Variants in CYP4X1 observed in about 807,000 individuals in gnomAD.
CYP4X1 encodes the protein cytochrome P450 family 4 subfamily X member 1.
CYP4X1 carries 44 observed loss-of-function variants against 57.9 expected under a neutral mutation model. The ratio of observed to expected loss-of-function variants is 0.76; its 90% CI spans 0.60 to 0.98. The LOEUF (loss-of-function observed/expected upper bound fraction) is 0.98. Among genes scored for constraint, CYP4X1 ranks in the 50% least tolerant of loss-of-function variants. CYP4X1 has a pLI of 0.00. For missense variants in CYP4X1, 532 were observed against 623.9 expected (o/e 0.85, Z 1.57); for synonymous variants, 227 against 228.6 (o/e 0.99, Z 0.06).
intron 7 of CYP4X1, 97 bp downstream of exon 7, chr1:47,038,863 G>T (rs558356674): frequency 1.1e-6 from 1 of 876,276 alleles, no homozygotes; most frequent in South Asian, 2.1e-5. Context: ...GAATAAAACC[G>T]ATTGACTAAA....
the CYP4X1 span, among the ~76,000 whole-genome samples, chr1:46,990,275 T>C: frequency 6.6e-6 from 1 of 152,214 alleles, no homozygotes; most frequent in Non-Finnish European, 1.5e-5. Context: ...AAGACATTTA[T>C]GCAGCCAACA....
At chr1:47,029,135 A>C (rs977390189) in intron 1 of CYP4X1, among the ~76,000 whole-genome samples, 1 of 152,192 alleles carries the variant, frequency 6.6e-6, no homozygotes, top group African/African-American at 2.4e-5. Flanking sequence ...CACGAGGAAA[A>C]ATCTGGCAGC....
the CYP4X1 span, among the ~76,000 whole-genome samples, chr1:46,997,150 AT>A: frequency 6.6e-6 from 1 of 151,840 alleles, no homozygotes; most frequent in African/African-American, 2.4e-5. Context: ...ATGCAGAAGT[AT>A]TTTTTTTGTA....
At chr1:47,036,339 T>A (rs952724228) in intron 6 of CYP4X1, among the ~76,000 whole-genome samples, 168 bp downstream of exon 6, 1 of 144,790 alleles carries the variant, frequency 6.9e-6, no homozygotes, top group Non-Finnish European at 1.5e-5. Context: ...TATAAGACTT[T>A]GCTTCAACCA....
chr1:46,989,656 C>T, the CYP4X1 span, among the ~76,000 whole-genome samples: 1 of 152,178 alleles, frequency 6.6e-6, no homozygotes, highest in Non-Finnish European at 1.5e-5. Context: ...AACTGTACTA[C>T]AAGGCTACAG....
intron 8 of CYP4X1, among the ~76,000 whole-genome samples, chr1:47,041,455 T>C (rs1287069708): frequency 2.0e-5 from 3 of 152,096 alleles, no homozygotes; most frequent in Non-Finnish European, 4.4e-5. Context: ...CCAACATTTG[T>C]CTTTTTGGTA....
the CYP4X1 span, among the ~76,000 whole-genome samples, chr1:47,010,695 T>C: frequency 2.0e-5 from 3 of 152,332 alleles, no homozygotes; most frequent in South Asian, 6.2e-4. Context: ...CTTAAGCTGA[T>C]AGGCAACTTC....
chr1:47,048,801 C>T (rs2148517127), intron 10 of CYP4X1, among the ~76,000 whole-genome samples, 172 bp downstream of exon 10: 1 of 152,320 alleles, frequency 6.6e-6, no homozygotes, highest in African/African-American at 2.4e-5. Context: ...TTGAAACACT[C>T]TTGACGTGTA....
intron 7 of CYP4X1, among the ~76,000 whole-genome samples, chr1:47,039,007 G>A (rs1644216143): frequency 6.6e-6 from 1 of 152,152 alleles, no homozygotes; most frequent in Non-Finnish European, 1.5e-5. Flanking sequence ...TTGTCATATG[G>A]ATACATGGAT....
At position 47,050,180 on chromosome 1, in the gene CYP4X1, A is replaced by G. The variant is rs374651157; in HGVS notation, c.*6A>G. 2 of 1,612,534 alleles carry G rather than the reference A, an allele frequency of 1.2e-6. No homozygotes were observed. Among genetic ancestry groups the G allele is most frequent in the African/African-American group, 2.7e-5 (2 of 74,836 alleles). ...AGAAACTCTCTGAATGTTAGATCTC[A>G]GGGTACAATGATTAAACGTACTTTG... On this transcript the variant is annotated 3_prime_UTR_variant, in exon 12 of 12. Coordinates refer to ENST00000371901, the MANE Select transcript of CYP4X1 (RefSeq NM_178033.2).
chr1:47,022,409 G>A (rs1486114823), upstream of CYP4X1, among the ~76,000 whole-genome samples: 1 of 149,132 alleles, frequency 6.7e-6, no homozygotes, highest in Non-Finnish European at 1.5e-5. Flanking sequence ...TCCTGCCTCA[G>A]CCTCCTGAGT....
intron 8 of CYP4X1, among the ~76,000 whole-genome samples, chr1:47,042,020 A>T (rs2202221): frequency 1.3e-5 from 2 of 152,072 alleles, no homozygotes; most frequent in Non-Finnish European, 2.9e-5. Flanking sequence ...TCTCAACACC[A>T]TTTATTGAAG....
chr1:46,972,172 C>T, the CYP4X1 span, among the ~76,000 whole-genome samples: 1 of 152,176 alleles, frequency 6.6e-6, no homozygotes, highest in Admixed American at 6.5e-5. Flanking sequence ...CCAGTTGTCT[C>T]AGCACTATCT....
chr1:47,014,608 A>G, the CYP4X1 span, among the ~76,000 whole-genome samples: 1 of 152,220 alleles, frequency 6.6e-6, no homozygotes, highest in Admixed American at 6.5e-5. Flanking sequence ...CTTCCATGAT[A>G]TGAATTCCAA....
At chr1:47,024,806 CAG>C (rs931942312) in intron 1 of CYP4X1, among the ~76,000 whole-genome samples, 1 of 152,176 alleles carries the variant, frequency 6.6e-6, no homozygotes, top group East Asian at 1.9e-4. Flanking sequence ...AAGGGCTGAG[CAG>C]AGTCTTAAAG....
Position 47,039,423 on chromosome 1 carries a change from G to T in CYP4X1, c.964G>T (p.Ala322Ser). The T allele has an allele frequency of 1.2e-6, 2 of 1,613,610 alleles. No individual in the cohort carries two copies. Among genetic ancestry groups the T allele is most frequent in the Non-Finnish European group, 1.7e-6 (2 of 1,179,776 alleles). The change falls in exon 8 of 12, where the codon GCA (alanine) becomes TCA (serine). Residue 322 changes from alanine to serine, a missense_variant. By Grantham distance (99) the Ala-to-Ser change is moderately conservative. Coordinates refer to ENST00000371901, the MANE Select transcript of CYP4X1 (RefSeq NM_178033.2). ...TFLLAGHDTL[A>S]ASISWILYCL... is the part of the protein sequence containing the mutation. The stretch of plus-strand genomic sequence containing the variant: ...CCTGTTGGCAGGACATGACACCTTG[G>T]CAGCAAGCATCTCCTGGATCCTTTA...
At chr1:46,998,370 T>C in the CYP4X1 span, among the ~76,000 whole-genome samples, 1 of 152,186 alleles carries the variant, frequency 6.6e-6, no homozygotes, top group Admixed American at 6.5e-5. Context: ...AGACAGGGTC[T>C]CCCTGTGTTG....
chr1:47,033,447 C>A, intron 4 of CYP4X1, 79 bp downstream of exon 4: 5 of 1,512,590 alleles, frequency 3.3e-6, no homozygotes, highest in Non-Finnish European at 4.4e-6. Context: ...GTTTTGTGGG[C>A]CATGAAAATA....
chr1:46,997,731 G>A, the CYP4X1 span, among the ~76,000 whole-genome samples: 1 of 152,208 alleles, frequency 6.6e-6, no homozygotes, highest in Non-Finnish European at 1.5e-5. Context: ...CAGCGGGATT[G>A]TTGCGTTTAA....
Sources: allele counts gnomAD v4.1 joint callset (sites outside exome capture counted in the v4.1 genomes callset), GRCh38; gene constraint gnomAD v4.1.1; transcripts MANE v1.5; gene names NCBI Gene and HGNC (gene_info 2026-07-23, HGNC 2026-07-21).